Variants in TAGLN3 observed in about 807,000 individuals in gnomAD.
TAGLN3 encodes the protein transgelin 3, also known as transgelin-3.
TAGLN3 carries 12 observed loss-of-function variants against 25.4 expected under a neutral mutation model. The ratio of observed to expected loss-of-function variants is 0.47; its 90% confidence interval spans 0.30 to 0.77. The LOEUF (loss-of-function observed/expected upper bound fraction) is 0.77. TAGLN3 is among the 30% of genes least tolerant of loss of function. TAGLN3 has a pLI of 0.06. For missense variants in TAGLN3, 218 were observed against 255.8 expected (o/e 0.85, Z 1.01); for synonymous variants, 96 against 94.8 (o/e 1.01, Z -0.08).
At chr3:111,999,717 C>T (rs1268300553) in intron 2 of TAGLN3, 115 bp downstream of exon 2, 3 of 1,341,472 alleles carry the variant, frequency 2.2e-6, no homozygotes, top group Non-Finnish European at 3.0e-6. Flanking sequence ...CTATGTCTCA[C>T]CGGGAGGGGA....
intron 3 of TAGLN3, 73 bp from the exon 4 acceptor site, chr3:112,011,690 T>G: frequency 3.6e-6 from 5 of 1,385,800 alleles, no homozygotes; most frequent in Non-Finnish European, 4.9e-6. Context: ...CCCTCCTGGG[T>G]GTCCAGCCGT....
At chr3:112,009,678 C>T (rs1367847787) in intron 3 of TAGLN3, among the ~76,000 whole-genome samples, 1 of 152,178 alleles carries the variant, frequency 6.6e-6, no homozygotes, top group Non-Finnish European at 1.5e-5. Context: ...GAGGAATAAT[C>T]CCAATTCCAT....
Position 112,011,698 on chromosome 3 carries a change from C to T in TAGLN3, c.356-65C>T, listed in dbSNP as rs192104883. The T allele has an allele frequency of 4.5e-3, 6,642 of 1,472,322 alleles. 29 individuals carry two copies. The highest frequency in any genetic ancestry group is 7.1e-3 in the Middle Eastern group (30 of 4,254). 91.2% of individuals were successfully genotyped at this position (1,472,322 alleles called of 1,614,324 possible). Reference sequence around the variant, plus strand: ...AGAACTTCCCTCCTGGGTGTCCAGCCGTATCCTTCCAGCATTCCTTGGCTC... The same window carrying T: ...AGAACTTCCCTCCTGGGTGTCCAGCTGTATCCTTCCAGCATTCCTTGGCTC... On this transcript the variant is annotated intron_variant, in intron 3 of 4. Coordinates refer to ENST00000478951, the MANE Select transcript of TAGLN3 (RefSeq NM_001008272.2).
intron 3 of TAGLN3, among the ~76,000 whole-genome samples, chr3:112,005,283 T>C (rs2072904022): frequency 6.6e-6 from 1 of 151,964 alleles, no homozygotes; most frequent in Admixed American, 6.6e-5. Context: ...ATGTTGGCTT[T>C]CCCCCCCACA....
chr3:112,012,815 G>A lies in TAGLN3; in HGVS notation c.459-595G>A, dbSNP rs548839124. Among the ~76,000 whole-genome samples, 6 of 152,198 alleles carry A rather than the reference G, an allele frequency of 3.9e-5. No individual in the cohort carries two copies. The East Asian group carries it at 7.7e-4, about 20-fold the overall frequency. On this transcript the variant is annotated intron_variant, in intron 4 of 4. Coordinates refer to ENST00000478951, the MANE Select transcript of TAGLN3 (RefSeq NM_001008272.2). ...TTTGCAGACCTCTAATCTAGAGTGC[G>A]ACATTTCCCCTCATTAACTCTTAGG... is the stretch of plus-strand genomic sequence containing the variant.
chr3:111,999,374 G>A (rs748319242), intron 1 of TAGLN3, 47 bp from the exon 2 acceptor site: 8 of 1,594,182 alleles, frequency 5.0e-6, no homozygotes, highest in Non-Finnish European at 6.9e-6. Context: ...GGAGGCTGCT[G>A]CTGCTGCTAT....
At chr3:112,007,837 A>G (rs953956555) in intron 3 of TAGLN3, among the ~76,000 whole-genome samples, 3 of 152,198 alleles carry the variant, frequency 2.0e-5, no homozygotes, top group Non-Finnish European at 4.4e-5. Flanking sequence ...AACAAATATT[A>G]CTTAGTACTT....
chr3:112,008,529 C>T (rs1213577224), intron 3 of TAGLN3, among the ~76,000 whole-genome samples: 7 of 152,108 alleles, frequency 4.6e-5, no homozygotes, highest in Non-Finnish European at 4.4e-5. Context: ...TTAACCTCAG[C>T]GCTTTTTTAT....
intron 3 of TAGLN3, among the ~76,000 whole-genome samples, chr3:112,001,522 C>T (rs1359576908): frequency 6.6e-6 from 1 of 152,200 alleles, no homozygotes; most frequent in Non-Finnish European, 1.5e-5. Context: ...AAATCACACT[C>T]CTGGATGTAT....
At chr3:112,005,699 TTTC>T (rs754464586) in intron 3 of TAGLN3, among the ~76,000 whole-genome samples, 266 of 17,122 alleles carry the variant, frequency 0.016, 17 homozygotes, top group Non-Finnish European at 0.068. Context: ...TTTTCTTTTT[TTTC>T]TTTTTTTTTT....
intron 3 of TAGLN3, among the ~76,000 whole-genome samples, chr3:112,011,510 G>T (rs780720975): frequency 1.3e-5 from 2 of 152,178 alleles, no homozygotes; most frequent in Non-Finnish European, 1.5e-5. Flanking sequence ...AACTATGAAC[G>T]GATTAGAAAC....
At position 112,013,656 on chromosome 3, in the gene TAGLN3, C is replaced by CCTTCTGT; in HGVS notation, c.*107_*113dup. The CCTTCTGT allele has an allele frequency of 6.5e-7, 1 of 1,532,266 alleles. No homozygotes were observed. Among genetic ancestry groups the CCTTCTGT allele is most frequent in the Non-Finnish European group, 8.9e-7 (1 of 1,125,490 alleles). The allele number at this position is 1,532,266 out of a possible 1,614,324, so 94.9% of individuals were successfully genotyped here. A position where few individuals can be genotyped will look rare whatever the true frequency, so the allele number is the denominator to read the frequency against. ...TCTGACCTTCTCCTCTTTCTCAAAG[C>CCTTCTGT]CTTCTGTCCCTGGTTTTTGCAAGTG... On this transcript the variant is annotated 3_prime_UTR_variant, in exon 5 of 5. Coordinates refer to ENST00000478951, the MANE Select transcript of TAGLN3 (RefSeq NM_001008272.2).
chr3:112,001,602 T>C (rs146676595), intron 3 of TAGLN3, among the ~76,000 whole-genome samples: 35 of 152,332 alleles, frequency 2.3e-4, no homozygotes, highest in African/African-American at 8.4e-4. Flanking sequence ...GGACCTATGG[T>C]CATGGTGTCG....
chr3:112,004,734 T>A, intron 3 of TAGLN3, among the ~76,000 whole-genome samples: 1 of 152,286 alleles, frequency 6.6e-6, no homozygotes, highest in East Asian at 1.9e-4. Context: ...ATTATTATTG[T>A]CATTGGCTTG....
At chr3:112,003,578 T>C (rs2072886590) in intron 3 of TAGLN3, among the ~76,000 whole-genome samples, 2 of 152,188 alleles carry the variant, frequency 1.3e-5, no homozygotes, top group African/African-American at 4.8e-5. Context: ...ACTAGCTGTT[T>C]GCTTAGCTTA....
At chr3:112,012,221 TCCC>T (rs1559944432) in intron 4 of TAGLN3, among the ~76,000 whole-genome samples, 2 of 78,036 alleles carry the variant, frequency 2.6e-5, no homozygotes, top group African/African-American at 1.1e-4. Flanking sequence ...CCTGGCTGCT[TCCC>T]TCCCTCCCTC....
chr3:111,999,747 TC>T lies in TAGLN3; in HGVS notation c.180+146del. 4.4e-6 allele frequency: 5 copies of T among 1,129,970 alleles called. No homozygotes were observed. In the South Asian group the frequency reaches 8.2e-5, roughly 19 times the overall value. 70.0% of individuals were successfully genotyped at this position (1,129,970 alleles called of 1,614,324 possible). On this transcript the variant is annotated intron_variant, in intron 2 of 4. Coordinates refer to ENST00000478951, the MANE Select transcript of TAGLN3 (RefSeq NM_001008272.2). ...AGGGGATGAGAATGCCTTTATTTCT[TC>T]AGGGTTGGAAGATTTGGGCTCCATG...
rs551218595 is a variant in TAGLN3, at chr3:112,006,407, C to G, written c.356-5356C>G. Among the ~76,000 whole-genome samples, 73 of 152,260 alleles carry G rather than the reference C, an allele frequency of 4.8e-4. 1 individual carries two copies. In the South Asian group the frequency reaches 0.015, roughly 31 times the overall value. Reference sequence around the variant, plus strand: ...TCCACAGAGCAAACCCAACCTCACCCCTGATATTTCTCCCTTGACTGTTGC... The same window carrying G: ...TCCACAGAGCAAACCCAACCTCACCGCTGATATTTCTCCCTTGACTGTTGC... On this transcript the variant is annotated intron_variant, in intron 3 of 4. Coordinates refer to ENST00000478951, the MANE Select transcript of TAGLN3 (RefSeq NM_001008272.2).
intron 3 of TAGLN3, among the ~76,000 whole-genome samples, chr3:112,006,023 T>G (rs13092218): frequency 0.26 from 39,831 of 151,708 alleles, 6,172 homozygotes; most frequent in South Asian, 0.34. Flanking sequence ...CCTCCCAAAG[T>G]GCTGAGATTA....
Sources: gnomAD v4.1 joint callset for allele counts (sites outside exome capture counted in the v4.1 genomes callset) on GRCh38, gnomAD v4.1.1 for gene constraint, MANE v1.5 for transcripts, NCBI Gene and HGNC (gene_info 2026-07-23, HGNC 2026-07-21) for gene names.